The following RBMS3 variants were observed in gnomAD, a reference collection of about 807,000 sequenced individuals.
RBMS3 encodes the protein RNA-binding motif, single-stranded-interacting protein 3.
A neutral mutation model predicts 66.8 loss-of-function variants in RBMS3; 27 were observed. The ratio of observed to expected loss-of-function variants is 0.40; its 90% confidence interval spans 0.30 to 0.56. RBMS3 has a LOEUF of 0.56. RBMS3 is among the 20% of genes least tolerant of loss of function. RBMS3 has a pLI of 0.40. For missense variants in RBMS3, 513 were observed against 549.5 expected (o/e 0.93, Z 0.66); for synonymous variants, 188 against 183.0 (o/e 1.03, Z -0.22).
At chr3:29,700,370 A>G (rs1339268351) in intron 4 of RBMS3, among the ~76,000 whole-genome samples, 1 of 152,190 alleles carries the variant, frequency 6.6e-6, no homozygotes, top group Non-Finnish European at 1.5e-5. Flanking sequence ...GTACGGTCTG[A>G]ATCCTTTCCA....
chr3:29,875,900 A>G (rs1051714694), intron 7 of RBMS3, among the ~76,000 whole-genome samples: 6 of 152,142 alleles, frequency 3.9e-5, no homozygotes, highest in African/African-American at 1.4e-4. Flanking sequence ...ATTCTGCCTG[A>G]TAGCACTACG....
intron 13 of RBMS3, among the ~76,000 whole-genome samples, chr3:29,989,841 ATTAAAAATCTGGACATTC>A (rs1388184113): frequency 6.6e-6 from 1 of 152,218 alleles, no homozygotes; most frequent in Non-Finnish European, 1.5e-5. Flanking sequence ...CGATAAGAAA[ATTAAAAATCTGGACATTC>A]TAGGCAGTTT....
intron 8 of RBMS3, among the ~76,000 whole-genome samples, chr3:29,889,101 A>T (rs2059940522): frequency 6.6e-6 from 1 of 151,716 alleles, no homozygotes; most frequent in Non-Finnish European, 1.5e-5. Context: ...TAGTACGAAC[A>T]GAACTTCATA....
chr3:29,836,745 T>C (rs778844289), intron 6 of RBMS3, among the ~76,000 whole-genome samples: 5 of 151,696 alleles, frequency 3.3e-5, no homozygotes, highest in Non-Finnish European at 7.4e-5. Context: ...GTGAGAGATA[T>C]GCATGTTAAT....
At position 29,689,675 on chromosome 3, in the gene RBMS3, A is replaced by G. The variant is rs548281947; in HGVS notation, c.400-50045A>G. Among the ~76,000 whole-genome samples the G allele has an allele frequency of 2.7e-3, 407 of 152,274 alleles. 4 individuals are homozygous for G. Among genetic ancestry groups the G allele is most frequent in the Middle Eastern group, 0.014 (4 of 294 alleles). On this transcript the variant is annotated intron_variant, in intron 4 of 14. Coordinates refer to ENST00000383767, the MANE Select transcript of RBMS3 (RefSeq NM_001003793.3). ...AAGGCTTGCTTTGTAAGGAAGCACT[A>G]TGCAAATTATTTTTTCTCAGTTATT...
chr3:29,581,816 C>T (rs1185673507), intron 3 of RBMS3, among the ~76,000 whole-genome samples: 2 of 152,096 alleles, frequency 1.3e-5, no homozygotes, highest in Admixed American at 1.3e-4. Context: ...GTCTCCTTGG[C>T]TCACTGTTGA....
intron 4 of RBMS3, among the ~76,000 whole-genome samples, chr3:29,652,424 A>G (rs2050179358): frequency 6.6e-6 from 1 of 152,162 alleles, no homozygotes. Context: ...ACTGAATATT[A>G]GATAAGAAAA....
chr3:29,523,273 G>A (rs1306710666), intron 3 of RBMS3, among the ~76,000 whole-genome samples: 9 of 152,102 alleles, frequency 5.9e-5, no homozygotes, highest in Non-Finnish European at 1.0e-4. Flanking sequence ...GACGTAGCAG[G>A]TGCTCATTAA....
intron 3 of RBMS3, among the ~76,000 whole-genome samples, chr3:29,508,727 A>T (rs568759013): frequency 2.4e-4 from 37 of 151,926 alleles, no homozygotes; most frequent in African/African-American, 8.4e-4. Context: ...TTACGGGATT[A>T]CTGGGTCAAA....
At chr3:29,350,870 A>G (rs1042995172) in intron 1 of RBMS3, among the ~76,000 whole-genome samples, 2 of 151,974 alleles carry the variant, frequency 1.3e-5, no homozygotes, top group African/African-American at 4.8e-5. Flanking sequence ...AAAAAACTAT[A>G]ATGTGCATGG....
At chr3:29,807,334 T>A (rs1470120866) in intron 6 of RBMS3, among the ~76,000 whole-genome samples, 1 of 151,918 alleles carries the variant, frequency 6.6e-6, no homozygotes, top group Non-Finnish European at 1.5e-5. Flanking sequence ...GAAATTCTCA[T>A]ACATTAATAA....
intron 2 of RBMS3, among the ~76,000 whole-genome samples, chr3:29,482,708 T>TTTTTTC (rs2043178755): frequency 8.4e-6 from 1 of 119,252 alleles, no homozygotes; most frequent in Admixed American, 9.0e-5. Context: ...TTTCTTTTTT[T>TTTTTTC]TTTTTTTTTT....
chr3:29,681,239 G>GA (rs1013547557), intron 4 of RBMS3, among the ~76,000 whole-genome samples: 15 of 152,094 alleles, frequency 9.9e-5, no homozygotes, highest in South Asian at 2.1e-4. Flanking sequence ...GTGTAAGAAT[G>GA]AAAAAAATGT....
At chr3:29,801,565 A>G (rs2057392465) in intron 6 of RBMS3, among the ~76,000 whole-genome samples, 1 of 152,042 alleles carries the variant, frequency 6.6e-6, no homozygotes, top group Non-Finnish European at 1.5e-5. Flanking sequence ...CCTGACCAGA[A>G]TCATTCCTCT....
intron 12 of RBMS3, among the ~76,000 whole-genome samples, chr3:29,958,811 G>A (rs776668747): frequency 6.6e-6 from 1 of 152,170 alleles, no homozygotes; most frequent in Non-Finnish European, 1.5e-5. Flanking sequence ...CTAAAGGAAA[G>A]TATATCAACT....
intron 7 of RBMS3, among the ~76,000 whole-genome samples, chr3:29,878,884 A>G (rs2059672035): frequency 6.6e-6 from 1 of 152,004 alleles, no homozygotes; most frequent in Non-Finnish European, 1.5e-5. Context: ...TCTACAAAAA[A>G]AAATTTAAAT....
intron 10 of RBMS3, chr3:29,924,827 C>T (rs967659758): frequency 3.4e-5 from 5 of 147,774 alleles, no homozygotes; most frequent in Non-Finnish European, 7.3e-5. Flanking sequence ...AAGAGCGAAA[C>T]TCCATCTCAG....
At chr3:29,500,107 A>C (rs1428291417) in intron 3 of RBMS3, among the ~76,000 whole-genome samples, 1 of 151,102 alleles carries the variant, frequency 6.6e-6, no homozygotes, top group East Asian at 1.9e-4. Context: ...CATAAGGTAG[A>C]ATTTGTAGGC....
At position 29,965,818 on chromosome 3, in the gene RBMS3, G is replaced by A. The variant is rs144913679; in HGVS notation, c.1098+21564G>A. The stretch of plus-strand genomic sequence containing the variant: ...AAATCCTTGCCTAAGCCAATGTCTC[G>A]AAGGGTTTTTCCAATATTCTTCCAG... On this transcript the variant is annotated intron_variant, in intron 12 of 14. Coordinates refer to ENST00000383767, the MANE Select transcript of RBMS3 (RefSeq NM_001003793.3). Among the ~76,000 whole-genome samples, 16 of 152,180 alleles carry A rather than the reference G, an allele frequency of 1.1e-4. No individual in the cohort carries two copies. In the East Asian group the frequency reaches 1.2e-3, roughly 11 times the overall value.
Sources: gnomAD v4.1 joint callset for allele counts (sites outside exome capture counted in the v4.1 genomes callset) on GRCh38, gnomAD v4.1.1 for gene constraint, MANE v1.5 for transcripts, NCBI Gene and HGNC (gene_info 2026-07-23, HGNC 2026-07-21) for gene names.